PIGU: variants seen among roughly 807,000 people sequenced by gnomAD.
PIGU encodes the protein GPI-anchor transamidase component PIGU.
PIGU carries 24 observed loss-of-function variants against 49.9 expected under a neutral mutation model. The ratio of observed to expected loss-of-function variants is 0.48; its 90% CI spans 0.35 to 0.68. The LOEUF is 0.68. Ranked by LOEUF, PIGU falls within the 30% of genes least tolerant of loss-of-function variation. The pLI is 0.01. For synonymous variants in PIGU, 220 were observed against 205.7 expected, an observed-to-expected ratio of 1.07 and a Z score of -0.59; for missense variants, 490 against 532.6, an observed-to-expected ratio of 0.92 and a Z score of 0.79.
intron 6 of PIGU, among the ~76,000 whole-genome samples, chr20:34,622,761 C>A (rs1201184773): frequency 6.6e-6 from 1 of 152,096 alleles, no homozygotes; most frequent in Non-Finnish European, 1.5e-5. Flanking sequence ...ATGATATAAC[C>A]TACCATTTGC....
Position 34,581,686 on chromosome 20 carries a change from G to C in PIGU, c.927-14C>G. On this transcript the variant is annotated splice_polypyrimidine_tract_variant and intron_variant, in intron 9 of 11. Transcript: ENST00000217446. ...ATGGGGTGCTCCCTGGGGCAGGGCA[G>C]GGGAAAGAGAGAGAGAGATGAGTCA... 6.3e-7 allele frequency: 1 copy of C among 1,590,584 alleles called. No individual in the cohort carries two copies. Among genetic ancestry groups the C allele is most frequent in the Non-Finnish European group, 8.5e-7 (1 of 1,171,174 alleles).
At chr20:34,584,012 G>A (rs958347534) in intron 9 of PIGU, among the ~76,000 whole-genome samples, 2 of 152,154 alleles carry the variant, frequency 1.3e-5, no homozygotes, top group Admixed American at 6.6e-5. Flanking sequence ...CTGAAGCTAG[G>A]ATAATAGAAC....
intron 1 of PIGU, among the ~76,000 whole-genome samples, chr20:34,670,236 C>A (rs992509184): frequency 1.4e-5 from 2 of 147,682 alleles, no homozygotes; most frequent in African/African-American, 5.0e-5. Flanking sequence ...ATTGCCCAGG[C>A]TGGAGTGCAG....
chr20:34,660,013 A>C (rs1371562065), intron 1 of PIGU, among the ~76,000 whole-genome samples: 1 of 148,866 alleles, frequency 6.7e-6, no homozygotes, highest in Non-Finnish European at 1.5e-5. Flanking sequence ...ACCCTGCCAA[A>C]TCCCCCTCTG....
Position 34,654,441 on chromosome 20 carries a change from C to T in PIGU, c.195+2739G>A, listed in dbSNP as rs879838517. On this transcript the variant is annotated intron_variant, in intron 2 of 11. Coordinates refer to ENST00000217446, the MANE Select transcript of PIGU (RefSeq NM_080476.5). ...GAGGTTGCAATGAGCCGAGTTGGCG[C>T]CACTTCACTCCACCTGGGCAAAAGA... Among the ~76,000 whole-genome samples the T allele has an allele frequency of 4.7e-5, 5 of 105,982 alleles. 1 individual carries two copies. Among genetic ancestry groups the T allele is most frequent in the Admixed American group, 1.3e-4 (1 of 7,914 alleles). 69.5% of individuals were successfully genotyped at this position (105,982 alleles called of 152,430 possible).
chr20:34,586,116 T>C (rs1983690388), intron 8 of PIGU, among the ~76,000 whole-genome samples: 1 of 152,222 alleles, frequency 6.6e-6, no homozygotes, highest in African/African-American at 2.4e-5. Context: ...GTCCCAGTCT[T>C]AATTGAGAAA....
At chr20:34,637,731 A>G (rs939906209) in intron 5 of PIGU, 145 bp downstream of exon 5, 97 of 1,459,818 alleles carry the variant, frequency 6.6e-5, no homozygotes, top group Admixed American at 1.9e-4. Context: ...AGAACAACAG[A>G]GCCCAGTTGT....
Position 34,654,439 on chromosome 20 carries a change from C to T in PIGU, c.195+2741G>A, listed in dbSNP as rs553366234. 1.5e-4 allele frequency among the ~76,000 whole-genome samples: 16 copies of T among 104,262 alleles called. 2 individuals are homozygous for T. Among genetic ancestry groups the T allele is most frequent in the East Asian group, 3.0e-4 (1 of 3,302 alleles). 68.4% of individuals were successfully genotyped at this position (104,262 alleles called of 152,430 possible). On this transcript the variant is annotated intron_variant, in intron 2 of 11. Coordinates refer to ENST00000217446, the MANE Select transcript of PIGU (RefSeq NM_080476.5). ...CAGAGGTTGCAATGAGCCGAGTTGG[C>T]GCCACTTCACTCCACCTGGGCAAAA...
intron 5 of PIGU, among the ~76,000 whole-genome samples, chr20:34,637,519 T>C (rs181732855): frequency 7.2e-5 from 11 of 152,334 alleles, no homozygotes; most frequent in Non-Finnish European, 1.5e-4. Context: ...AAGAGCTGCT[T>C]GAAATGGCAG....
chr20:34,612,936 GC>G (rs1328213614), intron 7 of PIGU, among the ~76,000 whole-genome samples: 1 of 152,006 alleles, frequency 6.6e-6, no homozygotes, highest in African/African-American at 2.4e-5. Context: ...GCAGTTCATA[GC>G]AGCGTAAGAA....
intron 1 of PIGU, among the ~76,000 whole-genome samples, chr20:34,663,543 T>C (rs186467146): frequency 1.0e-3 from 156 of 152,302 alleles, no homozygotes; most frequent in African/African-American, 3.3e-3. Context: ...GAGTGGGCTA[T>C]AATTATGACT....
chr20:34,631,798 T>TGG lies in PIGU; in HGVS notation c.529+2816_529+2817insCC, dbSNP rs1420978886. ...ATATATATATATATTTTTTTTTTTTTTTTTTTTTTTTTTTTTTTAGTAGAG... is the reference window on the plus strand; with the variant it reads ...ATATATATATATATTTTTTTTTTTTTGGTTTTTTTTTTTTTTTTTTAGTAGAG... On this transcript the variant is annotated intron_variant, in intron 6 of 11. Transcript: ENST00000217446. Among the ~76,000 whole-genome samples the TGG allele has an allele frequency of 1.3e-4, 4 of 30,460 alleles. 2 individuals are homozygous for TGG. Among genetic ancestry groups the TGG allele is most frequent in the African/African-American group, 5.5e-4 (4 of 7,244 alleles). 20.0% of individuals were successfully genotyped at this position (30,460 alleles called of 152,430 possible). A position where few individuals can be genotyped will look rare whatever the true frequency, so the allele number is the denominator to read the frequency against.
intron 7 of PIGU, among the ~76,000 whole-genome samples, chr20:34,599,001 T>C (rs1272314824): frequency 1.3e-5 from 2 of 151,918 alleles, no homozygotes; most frequent in African/African-American, 4.8e-5. Context: ...CATGCTACCA[T>C]GCCTGGCTAA....
chr20:34,568,339 G>A (rs566200024), intron 11 of PIGU, among the ~76,000 whole-genome samples: 18 of 152,192 alleles, frequency 1.2e-4, no homozygotes, highest in Non-Finnish European at 2.5e-4. Flanking sequence ...ACAAAGGAAT[G>A]AACTAAGACC....
chr20:34,659,538 A>C (rs574663423), intron 1 of PIGU, among the ~76,000 whole-genome samples: 2,922 of 151,992 alleles, frequency 0.019, 48 homozygotes, highest in South Asian at 0.062. Context: ...GCCACCACCC[A>C]GTCTTGGAGG....
chr20:34,644,805 C>A (rs905405068), intron 3 of PIGU, among the ~76,000 whole-genome samples: 3 of 152,128 alleles, frequency 2.0e-5, no homozygotes, highest in Non-Finnish European at 2.9e-5. Flanking sequence ...ATTCAGAATG[C>A]CCTCCACGCC....
chr20:34,572,033 G>A (rs2146696242), intron 11 of PIGU, among the ~76,000 whole-genome samples: 1 of 152,250 alleles, frequency 6.6e-6, no homozygotes, highest in African/African-American at 2.4e-5. Flanking sequence ...TGCCTGAAGG[G>A]CAGCTTGGAA....
chr20:34,656,276 T>A (rs1424966901), intron 2 of PIGU, among the ~76,000 whole-genome samples: 1 of 107,380 alleles, frequency 9.3e-6, no homozygotes, highest in Non-Finnish European at 1.9e-5. Context: ...CTGGCCTGTT[T>A]ATAATTTTTT....
intron 7 of PIGU, among the ~76,000 whole-genome samples, chr20:34,597,172 C>CA (rs1467325181): frequency 1.3e-5 from 2 of 151,962 alleles, no homozygotes; most frequent in Non-Finnish European, 2.9e-5. Context: ...GTTAAGTCCA[C>CA]AAAAAAACTT....
Sources: gnomAD v4.1 joint callset for allele counts (sites outside exome capture counted in the v4.1 genomes callset) on GRCh38, gnomAD v4.1.1 for gene constraint, MANE v1.5 for transcripts, NCBI Gene and HGNC (gene_info 2026-07-23, HGNC 2026-07-21) for gene names.